Variants in AVEN observed in about 807,000 individuals in gnomAD.
The protein encoded by AVEN is apoptosis and caspase activation inhibitor, also known as cell death regulator Aven.
In AVEN, 41 loss-of-function variants were observed where a neutral mutation model predicts 38.1. That is an observed-to-expected ratio of 1.08 (90% CI 0.84 to 1.40). The LOEUF is 1.40. AVEN is among the 40% of genes most tolerant of loss of function. The probability of loss-of-function intolerance (pLI) is 0.00; values close to 1 mark genes in which losing one functional copy is unlikely to be tolerated. For synonymous variants in AVEN, 206 were observed against 171.8 expected, an observed-to-expected ratio of 1.20 and a Z score of -1.56; for missense variants, 605 against 438.8, an observed-to-expected ratio of 1.38 and a Z score of -3.38.
intron 1 of AVEN, among the ~76,000 whole-genome samples, chr15:34,019,699 G>C (rs1417198722): frequency 6.6e-6 from 1 of 152,176 alleles, no homozygotes; most frequent in Non-Finnish European, 1.5e-5. Context: ...ACTGTCTACA[G>C]TATCCAGTAC....
chr15:34,049,676 G>T (rs888659897), intron 5 of AVEN, among the ~76,000 whole-genome samples: 10 of 152,042 alleles, frequency 6.6e-5, no homozygotes, highest in African/African-American at 2.4e-4. Context: ...TTGAAAAAAT[G>T]CAGAGAACCC....
At position 33,960,740 on chromosome 15, in the gene AVEN, C is replaced by T. The variant is rs370534838; in HGVS notation, c.445+42292G>A. Among the ~76,000 whole-genome samples the T allele has an allele frequency of 4.1e-4, 62 of 152,222 alleles. 1 individual carries two copies. The South Asian group carries it at 0.012, about 31-fold the overall frequency. On this transcript the variant is annotated intron_variant, in intron 2 of 5. Coordinates refer to ENST00000306730, the MANE Select transcript of AVEN (RefSeq NM_020371.3). ...CCCCATTTTATCTTCTGCTGTATAG[C>T]GACTTGAGTATAACATAAAGATAAC...
Position 34,063,846 on chromosome 15 carries a change from G to T in AVEN, n.1127-414C>A, listed in dbSNP as rs1231117411. On this transcript the variant is annotated intron_variant and non_coding_transcript_variant, in intron 4 of 11. Coordinates refer to the AVEN transcript ENST00000675287. The surrounding 1 kb of genome is among the most constrained non-coding windows in gnomAD (Gnocchi z 4.1). ...TCATAGACCCAAGAGTCAGAAATGT[G>T]TGGCCTATAAGTTCCGATTGGTGGT... 1 of 1,614,056 alleles carries T rather than the reference G, an allele frequency of 6.2e-7. No individual in the cohort carries two copies. The highest frequency in any genetic ancestry group is 8.5e-7 in the Non-Finnish European group (1 of 1,180,044).
chr15:34,004,996 A>T (rs2140636129), intron 1 of AVEN, among the ~76,000 whole-genome samples: 2 of 152,292 alleles, frequency 1.3e-5, no homozygotes, highest in African/African-American at 4.8e-5. Context: ...GCTTTTATTA[A>T]CACAGAAGCA....
At chr15:34,075,181 C>CAAAAAA (rs58860397), upstream of AVEN, among the ~76,000 whole-genome samples, 18 of 67,270 alleles carry the variant, frequency 2.7e-4, no homozygotes, top group African/African-American at 9.8e-4. Context: ...GACTCTGGCT[C>CAAAAAA]AAAAAAAAAA....
chr15:33,950,822 A>C (rs570853739), intron 2 of AVEN, among the ~76,000 whole-genome samples: 7 of 152,212 alleles, frequency 4.6e-5, no homozygotes, highest in Non-Finnish European at 1.0e-4. Context: ...CCTGGGCAAC[A>C]TAATGAGACC....
At chr15:34,019,169 A>C (rs935536024) in intron 1 of AVEN, among the ~76,000 whole-genome samples, 8 of 152,274 alleles carry the variant, frequency 5.3e-5, no homozygotes, top group African/African-American at 1.9e-4. Flanking sequence ...CAGTAAGTCC[A>C]GCTGGCTTCA....
chr15:33,861,646 C>A (rs147523985), downstream of AVEN, among the ~76,000 whole-genome samples: 1 of 152,150 alleles, frequency 6.6e-6, no homozygotes, highest in Non-Finnish European at 1.5e-5. Context: ...TACTGGCAGG[C>A]TTTCCTCCCA....
At chr15:33,981,612 GAGTGCAAT>G (rs1409488784) in intron 2 of AVEN, among the ~76,000 whole-genome samples, 1 of 152,156 alleles carries the variant, frequency 6.6e-6, no homozygotes. Context: ...CAGGGGGCGA[GAGTGCAAT>G]ATAAAGAATA....
chr15:34,054,184 G>A (rs1317047260), intron 5 of AVEN, among the ~76,000 whole-genome samples: 4 of 152,190 alleles, frequency 2.6e-5, no homozygotes, highest in African/African-American at 4.8e-5. Flanking sequence ...AACAACAGAT[G>A]CTGGCAAGGC....
intron 3 of AVEN, among the ~76,000 whole-genome samples, chr15:33,872,755 ATC>A (rs1159462937): frequency 1.3e-5 from 2 of 152,220 alleles, no homozygotes; most frequent in African/African-American, 4.8e-5. Flanking sequence ...AAAATAATAA[ATC>A]TGTTTGTTCA....
At chr15:33,943,316 C>A (rs988837305) in intron 2 of AVEN, among the ~76,000 whole-genome samples, 1 of 152,156 alleles carries the variant, frequency 6.6e-6, no homozygotes, top group African/African-American at 2.4e-5. Context: ...CATGGATGAA[C>A]CTTGAGGACA....
intron 1 of AVEN, among the ~76,000 whole-genome samples, chr15:34,071,692 C>T (rs1348468502): frequency 1.3e-5 from 2 of 152,168 alleles, no homozygotes; most frequent in Non-Finnish European, 2.9e-5. Context: ...CTCAGTGCCC[C>T]TAGTATACCA....
At chr15:34,018,644 G>A (rs1158600425) in intron 1 of AVEN, among the ~76,000 whole-genome samples, 1 of 152,200 alleles carries the variant, frequency 6.6e-6, no homozygotes, top group Non-Finnish European at 1.5e-5. Context: ...AAGAGTGAAA[G>A]AACAAAGCTT....
intron 2 of AVEN, among the ~76,000 whole-genome samples, chr15:33,946,754 G>A (rs140267352): frequency 7.2e-5 from 11 of 152,308 alleles, no homozygotes; most frequent in Middle Eastern, 3.4e-3. Context: ...CAGGATGGAC[G>A]CATAATTAAA....
chr15:34,022,443 C>T (rs987885036), intron 1 of AVEN, among the ~76,000 whole-genome samples: 2 of 152,150 alleles, frequency 1.3e-5, no homozygotes, highest in African/African-American at 4.8e-5. Context: ...AAGGCGCCTA[C>T]AGAAGGGAGA....
chr15:34,018,451 C>G (rs1180886047), intron 1 of AVEN: 1 of 151,256 alleles, frequency 6.6e-6, no homozygotes, highest in Non-Finnish European at 1.5e-5. Context: ...AGAAGTGAAG[C>G]CACATACCTT....
chr15:33,908,926 C>T (rs111712316), intron 2 of AVEN, among the ~76,000 whole-genome samples: 261 of 152,262 alleles, frequency 1.7e-3, no homozygotes, highest in Non-Finnish European at 2.4e-3. Flanking sequence ...AAGCTGGAGA[C>T]CTGAGATCTG....
At chr15:34,065,251 G>A (rs1900479973) in intron 4 of AVEN, 1 of 152,280 alleles carries the variant, frequency 6.6e-6, no homozygotes, top group Non-Finnish European at 1.5e-5. Context: ...TCTCCAGGCT[G>A]TTGAATTAAG....
Sources: gnomAD v4.1 joint callset for allele counts (sites outside exome capture counted in the v4.1 genomes callset) on GRCh38, gnomAD v4.1.1 for gene constraint, Gnocchi (gnomAD v3.1) non-coding constraint, MANE v1.5 for transcripts, NCBI Gene and HGNC (gene_info 2026-07-23, HGNC 2026-07-21) for gene names.